TULP4: variants seen among roughly 807,000 people sequenced by gnomAD.
TULP4 encodes the protein tubby-related protein 4.
In TULP4, 16 loss-of-function variants were observed where a neutral mutation model predicts 129.0. The observed-to-expected ratio is 0.12, with a 90% confidence interval of 0.08 to 0.19. The LOEUF (loss-of-function observed/expected upper bound fraction) is 0.19, where lower values mean the gene tolerates loss of function less well. TULP4 is among the 10% of genes least tolerant of loss of function. TULP4 has a pLI of 1.00. For missense variants in TULP4, 1,842 were observed against 2,059.1 expected, an observed-to-expected ratio of 0.89 and a Z score of 2.04; for synonymous variants, 998 against 854.0, an observed-to-expected ratio of 1.17 and a Z score of -2.94.
At chr6:158,456,475 A>G (rs578173509) in intron 5 of TULP4, among the ~76,000 whole-genome samples, 7 of 139,068 alleles carry the variant, frequency 5.0e-5, no homozygotes, top group Non-Finnish European at 9.1e-5. Context: ...TTCTTCTTCC[A>G]GTGTGGCCCA....
At chr6:158,343,910 G>A (rs1320007301) in intron 1 of TULP4, among the ~76,000 whole-genome samples, 3 of 152,182 alleles carry the variant, frequency 2.0e-5, no homozygotes, top group Non-Finnish European at 2.9e-5. Flanking sequence ...CCCAAGCTAA[G>A]CCATCATATC....
chr6:158,301,209 AT>A (rs1223381210), intron 1 of TULP4, among the ~76,000 whole-genome samples: 1 of 152,190 alleles, frequency 6.6e-6, no homozygotes, highest in East Asian at 1.9e-4. Flanking sequence ...TAAGGCAATA[AT>A]TACAGCAATT....
intron 1 of TULP4, among the ~76,000 whole-genome samples, chr6:158,381,577 T>C (rs944217334): frequency 2.6e-5 from 4 of 152,330 alleles, no homozygotes; most frequent in South Asian, 2.1e-4. Flanking sequence ...ATTCCAGTCA[T>C]AGGGCTCTGC....
intron 1 of TULP4, among the ~76,000 whole-genome samples, chr6:158,254,739 A>G (rs80083535): frequency 0.064 from 9,733 of 152,312 alleles, 470 homozygotes; most frequent in African/African-American, 0.13. Flanking sequence ...GATGTTAAGC[A>G]GAAGTCTTGA....
intron 1 of TULP4, among the ~76,000 whole-genome samples, chr6:158,320,460 C>G (rs577464099): frequency 1.0e-4 from 15 of 143,062 alleles, no homozygotes; most frequent in Admixed American, 1.0e-3. Context: ...TACACAGAGT[C>G]TCACTTTGTT....
In TULP4 at chr6:158,429,867, G is replaced by C. The variant is rs138932674; in HGVS notation, c.513G>C (p.Thr171=). 5 of 1,613,998 alleles carry C rather than the reference G, an allele frequency of 3.1e-6. No homozygotes were observed. Among genetic ancestry groups the C allele is most frequent in the Non-Finnish European group, 3.4e-6 (4 of 1,179,996 alleles). The change falls in exon 3 of 14, where the codon ACG becomes ACC. Residue 171 remains threonine (T), a synonymous_variant. Transcript: ENST00000367097. The part of the protein sequence containing the change: ...SSEINLESQI[T]CGIWTPDDQQ... Reference sequence around the variant, plus strand: ...AAATCAACTTGGAAAGTCAAATTACGTGTGGCATATGGACTCCTGACGACC... The same window carrying C: ...AAATCAACTTGGAAAGTCAAATTACCTGTGGCATATGGACTCCTGACGACC...
Position 158,504,139 on chromosome 6 carries a change from G to A in TULP4, c.4476G>A (p.Glu1492=). 1 of 1,606,326 alleles carries A rather than the reference G, an allele frequency of 6.2e-7. No homozygotes were observed. Among genetic ancestry groups the A allele is most frequent in the South Asian group, 1.1e-5 (1 of 89,512 alleles). Residue 1492 remains glutamate, a synonymous_variant, in exon 13 of 14, where the codon GAG becomes GAA. Coordinates refer to ENST00000367097, the MANE Select transcript of TULP4 (RefSeq NM_020245.5). ...ACTTCGGGGGGCGGGTGACCCAGGA[G>A]TCCGCCAAGAACTTCCAGATTGAGT... ...QLDFGGRVTQ[E]SAKNFQIELE...
intron 1 of TULP4, among the ~76,000 whole-genome samples, chr6:158,343,983 GA>G (rs1583772803): frequency 6.6e-6 from 1 of 152,314 alleles, no homozygotes; most frequent in East Asian, 1.9e-4. Context: ...CAAAAGAAGT[GA>G]AAATAGCCTT....
At chr6:158,498,267 G>C (rs548471696) in intron 11 of TULP4, among the ~76,000 whole-genome samples, 1 of 152,336 alleles carries the variant, frequency 6.6e-6, no homozygotes, top group African/African-American at 2.4e-5. Context: ...CCCTTGTTTG[G>C]CAGTCTGGTT....
At chr6:158,418,099 GTT>G (rs35832683) in intron 2 of TULP4, among the ~76,000 whole-genome samples, 21,244 of 133,270 alleles carry the variant, frequency 0.16, 2,135 homozygotes, top group Middle Eastern at 0.26. Context: ...GTGTGTGTGT[GTT>G]TTTTTTTTTT....
chr6:158,376,015 G>C (rs1421105009), intron 1 of TULP4, among the ~76,000 whole-genome samples: 2 of 152,210 alleles, frequency 1.3e-5, no homozygotes, highest in Non-Finnish European at 2.9e-5. Flanking sequence ...GGAAGAGCAG[G>C]GGCATGAAGG....
chr6:158,276,545 C>T (rs1373233785), intron 1 of TULP4, among the ~76,000 whole-genome samples: 3 of 151,608 alleles, frequency 2.0e-5, no homozygotes, highest in African/African-American at 7.3e-5. Flanking sequence ...GCAACAAAAA[C>T]GTGTTCTTAG....
intron 4 of TULP4, among the ~76,000 whole-genome samples, chr6:158,451,186 C>T (rs1477871921): frequency 3.9e-5 from 6 of 152,194 alleles, no homozygotes; most frequent in Non-Finnish European, 7.3e-5. Context: ...CTGGTTGCTC[C>T]TCCAGGCAGT....
At chr6:158,336,456 C>G (rs1476115480) in intron 1 of TULP4, among the ~76,000 whole-genome samples, 1 of 152,084 alleles carries the variant, frequency 6.6e-6, no homozygotes, top group East Asian at 1.9e-4. Context: ...TTGTCAGTCT[C>G]TTATTGCGCT....
At chr6:158,363,867 T>C (rs1353589908) in intron 1 of TULP4, among the ~76,000 whole-genome samples, 1 of 152,178 alleles carries the variant, frequency 6.6e-6, no homozygotes, top group Admixed American at 6.5e-5. Flanking sequence ...CATATTAAAA[T>C]AGTGAAATAA....
At chr6:158,275,143 G>A (rs538133766) in intron 1 of TULP4, among the ~76,000 whole-genome samples, 2 of 152,196 alleles carry the variant, frequency 1.3e-5, no homozygotes, top group African/African-American at 4.8e-5. Context: ...GTCCAGTGCC[G>A]AGTTGTGGAG....
chr6:158,280,905 A>G (rs1429042844), upstream of TULP4, among the ~76,000 whole-genome samples: 1 of 152,242 alleles, frequency 6.6e-6, no homozygotes, highest in Non-Finnish European at 1.5e-5. Context: ...GGATGGATAA[A>G]TAAATTTAGT....
intron 1 of TULP4, among the ~76,000 whole-genome samples, chr6:158,377,486 A>G (rs1777218370): frequency 6.6e-6 from 1 of 152,264 alleles, no homozygotes; most frequent in African/African-American, 2.4e-5. Context: ...TGTGTAATGC[A>G]ATGCATTAAT....
At chr6:158,470,573 G>A (rs114409849) in intron 6 of TULP4, among the ~76,000 whole-genome samples, 1,664 of 152,340 alleles carry the variant, frequency 0.011, 31 homozygotes, top group African/African-American at 0.037. Context: ...GGTGGATGCG[G>A]TCACCTTCCA....
Sources: gnomAD v4.1 joint callset for allele counts (sites outside exome capture counted in the v4.1 genomes callset) on GRCh38, gnomAD v4.1.1 for gene constraint, MANE v1.5 for transcripts, NCBI Gene and HGNC (gene_info 2026-07-23, HGNC 2026-07-21) for gene names.